PEBP4: variants seen among roughly 807,000 people sequenced by gnomAD.
PEBP4 encodes phosphatidylethanolamine-binding protein 4.
PEBP4 carries 22 observed loss-of-function variants against 23.9 expected under a neutral mutation model. That is an observed-to-expected ratio of 0.92 (90% CI 0.66 to 1.31). The LOEUF is 1.31. Ranked by LOEUF, PEBP4 falls within the 40% of genes most tolerant of loss-of-function variation. The pLI, the probability that PEBP4 is intolerant of heterozygous loss-of-function variation, is 0.00. For missense variants in PEBP4, 324 were observed against 281.7 expected (o/e 1.15, Z -1.07); for synonymous variants, 112 against 99.3 (o/e 1.13, Z -0.76).
intron 4 of PEBP4, among the ~76,000 whole-genome samples, chr8:22,744,374 C>A (rs1225951766): frequency 1.3e-5 from 2 of 152,184 alleles, no homozygotes; most frequent in African/African-American, 4.8e-5. Flanking sequence ...CCGGTCAGAG[C>A]CTGGACAGGA....
intron 3 of PEBP4, among the ~76,000 whole-genome samples, chr8:22,849,158 G>A (rs1459068946): frequency 3.9e-5 from 6 of 152,204 alleles, no homozygotes; most frequent in Non-Finnish European, 2.9e-5. Flanking sequence ...TGAACATAAA[G>A]CAGTTCTAAT....
At chr8:22,724,699 C>G in intron 6 of PEBP4, 144 bp downstream of exon 6, 1 of 650,632 alleles carries the variant, frequency 1.5e-6, no homozygotes, top group Non-Finnish European at 2.7e-6. Context: ...TTCCAGTTCA[C>G]TCCCAAGAAA....
chr8:22,882,528 A>T (rs1365732206), intron 3 of PEBP4, among the ~76,000 whole-genome samples: 2 of 152,234 alleles, frequency 1.3e-5, no homozygotes, highest in African/African-American at 4.8e-5. Context: ...TCATGAACAG[A>T]GGGAGGCCTC....
At chr8:22,820,790 T>C (rs1436744471) in intron 3 of PEBP4, among the ~76,000 whole-genome samples, 1 of 151,992 alleles carries the variant, frequency 6.6e-6, no homozygotes, top group Non-Finnish European at 1.5e-5. Flanking sequence ...AAAGCTGAAA[T>C]GGGTATTGGG....
chr8:22,718,175 G>C (rs1368928302), intron 6 of PEBP4, among the ~76,000 whole-genome samples: 1 of 152,068 alleles, frequency 6.6e-6, no homozygotes, highest in Non-Finnish European at 1.5e-5. Flanking sequence ...TTTCGGGGTG[G>C]TGAGGGGTGA....
intron 3 of PEBP4, among the ~76,000 whole-genome samples, chr8:22,825,800 C>T (rs555566940): frequency 6.6e-6 from 1 of 152,122 alleles, no homozygotes; most frequent in African/African-American, 2.4e-5. Flanking sequence ...TGTCTATCAA[C>T]AGATGAATGG....
At chr8:22,896,964 T>C (rs1425579157) in intron 3 of PEBP4, among the ~76,000 whole-genome samples, 2 of 150,984 alleles carry the variant, frequency 1.3e-5, no homozygotes, top group African/African-American at 4.9e-5. Flanking sequence ...CTAAAATGGA[T>C]AATATATCTA....
chr8:22,805,715 A>G (rs1466247306), intron 4 of PEBP4, among the ~76,000 whole-genome samples: 2 of 152,246 alleles, frequency 1.3e-5, no homozygotes, highest in African/African-American at 4.8e-5. Context: ...AGCAGGCAGC[A>G]GGTATATGGA....
intron 4 of PEBP4, among the ~76,000 whole-genome samples, chr8:22,752,916 T>G (rs1458867692): frequency 6.6e-6 from 1 of 152,200 alleles, no homozygotes; most frequent in Non-Finnish European, 1.5e-5. Flanking sequence ...ACAGTCCAAT[T>G]TCTCCTTCCT....
intron 3 of PEBP4, among the ~76,000 whole-genome samples, chr8:22,873,571 G>A (rs1360720553): frequency 6.6e-6 from 1 of 152,170 alleles, no homozygotes; most frequent in Non-Finnish European, 1.5e-5. Context: ...GTTCAAGGCT[G>A]CAGTGAGCCG....
At chr8:22,781,670 C>T (rs769710952) in intron 4 of PEBP4, among the ~76,000 whole-genome samples, 1 of 152,164 alleles carries the variant, frequency 6.6e-6, no homozygotes, top group Non-Finnish European at 1.5e-5. Flanking sequence ...TCATGTGGCC[C>T]AGCCACCCGA....
chr8:22,865,488 C>A lies in PEBP4; in HGVS notation c.259-47753G>T, dbSNP rs573434859. On this transcript the variant is annotated intron_variant, in intron 3 of 6. Transcript: ENST00000256404. The surrounding 1 kb of genome is among the most constrained non-coding windows in gnomAD (Gnocchi z 6.9). Reference sequence around the variant, plus strand: ...CGAGGTGGAGCGCGCCACCGCCCCCCCGGCCGCGCAGCGAGAAGGAGCCTC... The same window carrying A: ...CGAGGTGGAGCGCGCCACCGCCCCCACGGCCGCGCAGCGAGAAGGAGCCTC... Among the ~76,000 whole-genome samples the A allele has an allele frequency of 2.6e-5, 4 of 151,354 alleles. No homozygotes were observed. The highest frequency in any genetic ancestry group is 5.9e-5 in the Non-Finnish European group (4 of 67,724).
chr8:22,822,271 A>G (rs1806874878), intron 3 of PEBP4, among the ~76,000 whole-genome samples: 1 of 152,172 alleles, frequency 6.6e-6, no homozygotes, highest in East Asian at 1.9e-4. Context: ...ATTAAATCAG[A>G]TAATGAGAAG....
At chr8:22,786,576 G>A (rs1806033311) in intron 4 of PEBP4, among the ~76,000 whole-genome samples, 1 of 152,044 alleles carries the variant, frequency 6.6e-6, no homozygotes, top group African/African-American at 2.4e-5. Flanking sequence ...GAGCCACCAT[G>A]CCTGGCCCCT....
intron 3 of PEBP4, among the ~76,000 whole-genome samples, chr8:22,879,594 T>G (rs1808200773): frequency 6.6e-6 from 1 of 152,142 alleles, no homozygotes; most frequent in African/African-American, 2.4e-5. Flanking sequence ...TATAGCTAAT[T>G]GGAGGCAGAG....
intron 3 of PEBP4, among the ~76,000 whole-genome samples, chr8:22,869,291 A>G (rs1440116893): frequency 6.6e-6 from 1 of 152,142 alleles, no homozygotes; most frequent in East Asian, 1.9e-4. Flanking sequence ...AGATCGCTGT[A>G]TGGTATACTT....
At chr8:22,862,799 C>CTTT (rs3060707) in intron 3 of PEBP4, among the ~76,000 whole-genome samples, 5 of 110,896 alleles carry the variant, frequency 4.5e-5, no homozygotes, top group African/African-American at 1.6e-4. Flanking sequence ...CCCTCATAAC[C>CTTT]TTTTTTTTTT....
chr8:22,916,140 G>C (rs1036834945), intron 3 of PEBP4, among the ~76,000 whole-genome samples: 1 of 152,170 alleles, frequency 6.6e-6, no homozygotes, highest in Non-Finnish European at 1.5e-5. Flanking sequence ...AGGACAGACC[G>C]AGGCAGCCTT....
intron 3 of PEBP4, among the ~76,000 whole-genome samples, chr8:22,822,283 T>C (rs1806875138): frequency 1.3e-5 from 2 of 151,490 alleles, no homozygotes; most frequent in Admixed American, 6.6e-5. Flanking sequence ...AATGAGAAGA[T>C]AAACCCAAGA....
Sources: gnomAD v4.1 joint callset for allele counts (sites outside exome capture counted in the v4.1 genomes callset) on GRCh38, gnomAD v4.1.1 for gene constraint, Gnocchi (gnomAD v3.1) non-coding constraint, MANE v1.5 for transcripts, NCBI Gene and HGNC (gene_info 2026-07-23, HGNC 2026-07-21) for gene names.